NAB1: variants seen among roughly 807,000 people sequenced by gnomAD.
NAB1 encodes NGFI-A-binding protein 1.
Under a neutral mutation model 49.9 loss-of-function variants are expected in NAB1, and 25 were observed. The ratio of observed to expected loss-of-function variants is 0.50; its 90% confidence interval spans 0.37 to 0.70. The LOEUF (loss-of-function observed/expected upper bound fraction) is 0.70. Among genes scored for constraint, NAB1 ranks in the 30% least tolerant of loss-of-function variants. NAB1 has a pLI of 0.00. For missense variants in NAB1, 489 were observed against 575.9 expected (o/e 0.85, Z 1.54); for synonymous variants, 198 against 215.6 (o/e 0.92, Z 0.71).
chr2:190,690,165 G>A, intron 9 of NAB1, 80 bp from the exon 10 acceptor site: 1 of 982,230 alleles, frequency 1.0e-6, no homozygotes. Flanking sequence ...TGGAGTTTGG[G>A]GGTTTGTTTT....
chr2:190,688,674 G>A (rs1220142758), intron 9 of NAB1, among the ~76,000 whole-genome samples: 1 of 152,168 alleles, frequency 6.6e-6, no homozygotes, highest in Non-Finnish European at 1.5e-5. Context: ...CATATTTCAT[G>A]GAGATATATT....
Position 190,685,507 on chromosome 2 carries a change from A to C in NAB1, c.1127A>C (p.Glu376Ala). The C allele has an allele frequency of 6.2e-7, 1 of 1,613,026 alleles. No individual in the cohort carries two copies. The highest frequency in any genetic ancestry group is 8.5e-7 in the Non-Finnish European group (1 of 1,179,720). ...QPEKVMAKQM[E>A]FLCNQAGYER... Reference sequence around the variant, plus strand: ...GAAAAGGTGATGGCAAAGCAGATGGAGTTCCTTTGCAACCAAGCTGGCTAT... The same window carrying C: ...GAAAAGGTGATGGCAAAGCAGATGGCGTTCCTTTGCAACCAAGCTGGCTAT... Residue 376 changes from glutamate (E) to alanine (A), a missense_variant, in exon 8 of 10, where the codon GAG becomes GCG. Around this residue, in one of 4 missense-constraint regions of NAB1, gnomAD observed 212 missense variants for 199.3 expected, o/e 1.06. Transcript: ENST00000337386. The surrounding 1 kb of genome is among the most constrained non-coding windows in gnomAD (Gnocchi z 4.5).
intron 6 of NAB1, among the ~76,000 whole-genome samples, chr2:190,681,095 A>C (rs12618075): frequency 6.6e-6 from 1 of 152,050 alleles, no homozygotes; most frequent in African/African-American, 2.4e-5. Context: ...AAACAGAGCT[A>C]TAATTTCTGT....
chr2:190,658,345 C>T (rs1315607100), intron 3 of NAB1, among the ~76,000 whole-genome samples: 7 of 152,080 alleles, frequency 4.6e-5, no homozygotes, highest in Admixed American at 4.6e-4. Flanking sequence ...AAAGGGAATC[C>T]CATCATCCTC....
intron 4 of NAB1, among the ~76,000 whole-genome samples, chr2:190,661,073 G>A (rs1308807608): frequency 2.6e-5 from 4 of 151,922 alleles, no homozygotes; most frequent in Admixed American, 6.6e-5. Context: ...GACAACAGGT[G>A]TGTGCCACCA....
chr2:190,671,018 G>T (rs959935115), intron 5 of NAB1, among the ~76,000 whole-genome samples: 1 of 152,198 alleles, frequency 6.6e-6, no homozygotes, highest in African/African-American at 2.4e-5. Context: ...TGTAAACACA[G>T]CATATTTTTC....
intron 2 of NAB1, 149 bp from the exon 3 acceptor site, chr2:190,655,828 C>T (rs1475054302): frequency 1.3e-5 from 2 of 152,162 alleles, no homozygotes; most frequent in African/African-American, 4.8e-5. Context: ...ACTGATGCTA[C>T]CCTGTAAGGA....
rs376386678 is a variant in NAB1 at position 190,659,450 on chromosome 2, A to T, written c.274A>T (p.Ser92Cys). 68 of 1,614,114 alleles carry T rather than the reference A, an allele frequency of 4.2e-5. No individual in the cohort carries two copies. The highest frequency in any genetic ancestry group is 5.7e-5 in the Non-Finnish European group (67 of 1,180,052). ...TCAGCCACTGACTTCCCTTCCTGTC[A>T]GTAGCATACCCATCTATAAATTACC... ...FNQPLTSLPV[S>C]SIPIYKLPEG... The change falls in exon 4 of 10, where the codon AGT (serine) becomes TGT (cysteine). Residue 92 changes from serine to cysteine, a missense_variant. Ser to Cys is a moderately radical substitution (Grantham distance 112). Around this residue, in one of 4 missense-constraint regions of NAB1, gnomAD observed 204 missense variants for 220.9 expected, o/e 0.92. Transcript: ENST00000337386. The surrounding 1 kb of genome is among the most constrained non-coding windows in gnomAD (Gnocchi z 6.2).
chr2:190,690,099 T>G, intron 9 of NAB1, 146 bp from the exon 10 acceptor site: 1 of 503,994 alleles, frequency 2.0e-6, no homozygotes, highest in Non-Finnish European at 3.4e-6. Context: ...AACAGCTCTA[T>G]GAACAAAAAT....
In NAB1 at chr2:190,685,529, C is replaced by T. The variant is rs1256383692; in HGVS notation, c.1149C>T (p.Gly383=). ...TGGAGTTCCTTTGCAACCAAGCTGG[C>T]TATGAGAGACTGCAGCATGCCGAGA... The part of the protein sequence containing the change: ...KQMEFLCNQA[G]YERLQHAERR... Residue 383 remains glycine (G), a synonymous_variant, in exon 8 of 10, where the codon GGC becomes GGT. Transcript: ENST00000337386. The surrounding 1 kb of genome is among the most constrained non-coding windows in gnomAD (Gnocchi z 4.5). 1 of 1,613,818 alleles carries T rather than the reference C, an allele frequency of 6.2e-7. No homozygotes were observed. The highest frequency in any genetic ancestry group is 1.3e-5 in the African/African-American group (1 of 74,900).
chr2:190,673,050 A>G, intron 5 of NAB1, 51 bp from the exon 6 acceptor site: 4 of 1,570,798 alleles, frequency 2.5e-6, no homozygotes, highest in Non-Finnish European at 3.5e-6. Context: ...TTGGAATAAA[A>G]TCAGTTACTT....
chr2:190,663,360 T>C lies in NAB1; in HGVS notation c.819+3365T>C, dbSNP rs1208132291. Among the ~76,000 whole-genome samples, 1 of 152,214 alleles carries C rather than the reference T, an allele frequency of 6.6e-6. No homozygotes were observed. Among genetic ancestry groups the C allele is most frequent in the Non-Finnish European group, 1.5e-5 (1 of 68,044 alleles). On this transcript the variant is annotated intron_variant, in intron 4 of 9. Coordinates refer to ENST00000337386, the MANE Select transcript of NAB1 (RefSeq NM_005966.4). The surrounding 1 kb of genome is among the most constrained non-coding windows in gnomAD (Gnocchi z 4.2). ...ACCAACCTTGCCAAAGGTTTGCCAATTTTATTCTTTTTTAGAGATCTGCAA... is the reference window on the plus strand; with the variant it reads ...ACCAACCTTGCCAAAGGTTTGCCAACTTTATTCTTTTTTAGAGATCTGCAA...
intron 4 of NAB1, among the ~76,000 whole-genome samples, chr2:190,662,233 A>G (rs966295175): frequency 7.2e-5 from 11 of 152,286 alleles, no homozygotes; most frequent in Middle Eastern, 6.8e-3. Context: ...TCAGGAAGCT[A>G]TCTATACCTG....
rs1694590589 is a variant in NAB1 at position 190,667,616 on chromosome 2, G to A, written c.820-2710G>A. The stretch of plus-strand genomic sequence containing the variant: ...CAATTATGCTTTCATATTCAGCTAT[G>A]GGTTTAAAATAGGAGACCTGGGTTT... On this transcript the variant is annotated intron_variant, in intron 4 of 9. Transcript: ENST00000337386. The surrounding 1 kb of genome is among the most constrained non-coding windows in gnomAD (Gnocchi z 4.4). Among the ~76,000 whole-genome samples, 1 of 152,118 alleles carries A rather than the reference G, an allele frequency of 6.6e-6. No homozygotes were observed. Among genetic ancestry groups the A allele is most frequent in the Admixed American group, 6.5e-5 (1 of 15,288 alleles).
rs1694106826 is a variant in NAB1, at chr2:190,659,528, A to G, written c.352A>G (p.Ser118Gly). ...GISCSSYERS[S>G]NAREPHLKIP... Reference sequence around the variant, plus strand: ...ATCCTGCAGTAGTTATGAAAGGAGTAGCAATGCCCGGGAACCTCATTTAAA... The same window carrying G: ...ATCCTGCAGTAGTTATGAAAGGAGTGGCAATGCCCGGGAACCTCATTTAAA... The change falls in exon 4 of 10, where the codon AGC becomes GGC. Residue 118 changes from serine to glycine, a missense_variant. Coordinates refer to ENST00000337386, the MANE Select transcript of NAB1 (RefSeq NM_005966.4). The surrounding 1 kb of genome is among the most constrained non-coding windows in gnomAD (Gnocchi z 6.2). 6.2e-7 allele frequency: 1 copy of G among 1,614,226 alleles called. No individual in the cohort carries two copies. The highest frequency in any genetic ancestry group is 1.1e-5 in the South Asian group (1 of 91,084).
Position 190,659,925 on chromosome 2 carries a change from G to A in NAB1, c.749G>A (p.Arg250Gln). ...DDDPHKEEEI[R>Q]KYSAIYGRFD... Reference sequence around the variant, plus strand: ...GATCCACACAAAGAGGAGGAAATTCGGAAATACAGTGCAATATATGGCAGA... The same window carrying A: ...GATCCACACAAAGAGGAGGAAATTCAGAAATACAGTGCAATATATGGCAGA... Residue 250 changes from arginine (R) to glutamine (Q), a missense_variant, in exon 4 of 10, where the codon CGG becomes CAG. Transcript: ENST00000337386. This position sits in a 1 kb window ranked among gnomAD's most constrained non-coding sequence, Gnocchi z 6.2. 6 of 1,614,174 alleles carry A rather than the reference G, an allele frequency of 3.7e-6. No homozygotes were observed. Among genetic ancestry groups the A allele is most frequent in the Non-Finnish European group, 4.2e-6 (5 of 1,180,032 alleles).
intron 4 of NAB1, among the ~76,000 whole-genome samples, chr2:190,661,614 T>C (rs902532635): frequency 4.6e-5 from 7 of 152,220 alleles, no homozygotes; most frequent in Non-Finnish European, 1.0e-4. Flanking sequence ...AAAAGAATTA[T>C]TTTACACTTA....
rs1695247564 is a variant in NAB1, at chr2:190,679,906, C to A, written c.1006-3832C>A. On this transcript the variant is annotated intron_variant, in intron 6 of 9. Coordinates refer to ENST00000337386, the MANE Select transcript of NAB1 (RefSeq NM_005966.4). This position sits in a 1 kb window ranked among gnomAD's most constrained non-coding sequence, Gnocchi z 5.3. ...GATTTTACCCCAAGCTCCAAACTCA[C>A]TGCCCCTGCTTACCTGGCTTATCTA... 6.6e-6 allele frequency among the ~76,000 whole-genome samples: 1 copy of A among 152,030 alleles called. No individual in the cohort carries two copies. The highest frequency in any genetic ancestry group is 2.1e-4 in the South Asian group (1 of 4,808).
rs937044989 is a variant in NAB1 at position 190,666,649 on chromosome 2, C to T, written c.820-3677C>T. ...GCTTGAACCCGGGGCGCTGAGGTTG[C>T]GCCACTGCATTCCAGCCTGGGAGAC... On this transcript the variant is annotated intron_variant, in intron 4 of 9. Transcript: ENST00000337386. This position sits in a 1 kb window ranked among gnomAD's most constrained non-coding sequence, Gnocchi z 5.6. Among the ~76,000 whole-genome samples, 13 of 151,834 alleles carry T rather than the reference C, an allele frequency of 8.6e-5. No individual in the cohort carries two copies. Among genetic ancestry groups the T allele is most frequent in the African/African-American group, 2.2e-4 (9 of 41,270 alleles).
Sources: allele counts gnomAD v4.1 joint callset (sites outside exome capture counted in the v4.1 genomes callset), GRCh38; gene constraint gnomAD v4.1.1; regional missense constraint gnomAD v4.1.1; non-coding constraint Gnocchi (gnomAD v3.1); transcripts MANE v1.5; gene names NCBI Gene and HGNC (gene_info 2026-07-23, HGNC 2026-07-21).